The following TCF12 variants were observed in gnomAD, a reference collection of about 807,000 sequenced individuals.
TCF12 encodes DNA-binding protein HTF4.
A neutral mutation model predicts 86.0 loss-of-function variants in TCF12; 45 were observed. The ratio of observed to expected loss-of-function variants is 0.52; its 90% CI spans 0.41 to 0.67. The LOEUF (loss-of-function observed/expected upper bound fraction) is 0.67. TCF12 is among the 30% of genes least tolerant of loss of function. The pLI is 0.00. For missense variants in TCF12, 881 were observed against 859.9 expected, an observed-to-expected ratio of 1.02 and a Z score of -0.31; for synonymous variants, 330 against 299.6, an observed-to-expected ratio of 1.10 and a Z score of -1.05.
At chr15:56,986,068 A>C (rs2063165240) in intron 3 of TCF12, among the ~76,000 whole-genome samples, 1 of 152,132 alleles carries the variant, frequency 6.6e-6, no homozygotes, top group African/African-American at 2.4e-5. Context: ...TTGAAATAAG[A>C]AATTTTTTGT....
chr15:56,995,341 A>T (rs1219622571), intron 3 of TCF12, among the ~76,000 whole-genome samples: 1 of 148,036 alleles, frequency 6.8e-6, no homozygotes, highest in African/African-American at 2.5e-5. Flanking sequence ...TCTGTGAGAA[A>T]TGACATTGGT....
intron 3 of TCF12, among the ~76,000 whole-genome samples, chr15:56,972,788 C>G (rs963927636): frequency 6.6e-6 from 1 of 152,042 alleles, no homozygotes; most frequent in Admixed American, 6.6e-5. Flanking sequence ...TCAAAATAGA[C>G]TAAAGCAGAG....
intron 9 of TCF12, 115 bp from the exon 10 acceptor site, chr15:57,232,176 G>A (rs2059166065): frequency 8.8e-7 from 1 of 1,130,590 alleles, no homozygotes; most frequent in Admixed American, 1.9e-5. Flanking sequence ...AGAAGACTAG[G>A]TTGGAAAAGG....
At chr15:56,924,432 T>G (rs1055740814) in intron 3 of TCF12, among the ~76,000 whole-genome samples, 1 of 152,156 alleles carries the variant, frequency 6.6e-6, no homozygotes. Flanking sequence ...CTTGAACATA[T>G]CAAGAACAAA....
At chr15:57,051,395 C>CGAAA (rs1243112277) in intron 3 of TCF12, among the ~76,000 whole-genome samples, 1 of 152,172 alleles carries the variant, frequency 6.6e-6, no homozygotes, top group Non-Finnish European at 1.5e-5. Context: ...TCAGCTGTGG[C>CGAAA]TTTCTGCTCC....
At chr15:57,271,023 C>A (rs1305086115) in intron 18 of TCF12, among the ~76,000 whole-genome samples, 4 of 152,174 alleles carry the variant, frequency 2.6e-5, no homozygotes, top group Admixed American at 2.6e-4. Flanking sequence ...ACACGGGGGT[C>A]AGGGACCCAC....
At chr15:57,156,589 C>G (rs1260432255) in intron 5 of TCF12, among the ~76,000 whole-genome samples, 5 of 152,286 alleles carry the variant, frequency 3.3e-5, no homozygotes, top group African/African-American at 1.2e-4. Flanking sequence ...TATTTTAGAG[C>G]ACAGTTCTCT....
chr15:56,964,504 A>G (rs1244233879), intron 3 of TCF12, among the ~76,000 whole-genome samples: 1 of 152,054 alleles, frequency 6.6e-6, no homozygotes, highest in African/African-American at 2.4e-5. Flanking sequence ...CTCAAGATGT[A>G]TCTCCTGCCT....
intron 5 of TCF12, among the ~76,000 whole-genome samples, chr15:57,129,028 G>A (rs901272280): frequency 6.6e-6 from 1 of 152,140 alleles, no homozygotes; most frequent in Admixed American, 6.5e-5. Flanking sequence ...CGTATTTTCA[G>A]TTCTCTTGGG....
intron 3 of TCF12, among the ~76,000 whole-genome samples, chr15:57,038,188 T>C (rs2066638883): frequency 6.6e-6 from 1 of 151,964 alleles, no homozygotes; most frequent in African/African-American, 2.4e-5. Context: ...GCCTAGCACA[T>C]TGGGAGGCTG....
chr15:57,164,961 G>A (rs1214495829), intron 5 of TCF12, among the ~76,000 whole-genome samples: 2 of 152,184 alleles, frequency 1.3e-5, no homozygotes. Flanking sequence ...GATTGCAGGC[G>A]TGAGCCACTG....
At chr15:57,016,060 C>CT (rs1400551538) in intron 3 of TCF12, among the ~76,000 whole-genome samples, 2 of 152,042 alleles carry the variant, frequency 1.3e-5, no homozygotes, top group African/African-American at 2.4e-5. Flanking sequence ...GGGGAATTTC[C>CT]TGGAGGGGCT....
At position 57,262,203 on chromosome 15, in the gene TCF12, A is replaced by T. The variant is rs1173927601; in HGVS notation, c.1577A>T (p.Tyr526Phe). The T allele has an allele frequency of 2.5e-6, 4 of 1,601,120 alleles. No homozygotes were observed. The African/African-American group carries it at 5.4e-5, about 21-fold the overall frequency. The change falls in exon 17 of 21, where the codon TAT (tyrosine) becomes TTT (phenylalanine). Residue 526 changes from tyrosine (Y) to phenylalanine (F), a missense_variant. Physicochemically the swap from Tyr to Phe is conservative, Grantham distance 22. Transcript: ENST00000333725. ...CTGAACCATAAAACACAAGAAAATT[A>T]TAGAGGTAACTATATTGTTGGTTTT... ...TDLNHKTQEN[Y>F]RGGLQSQSGT...
At chr15:57,063,064 G>A (rs1007906985) in intron 3 of TCF12, among the ~76,000 whole-genome samples, 1 of 152,186 alleles carries the variant, frequency 6.6e-6, no homozygotes, top group Non-Finnish European at 1.5e-5. Context: ...AAATTGTTTT[G>A]TTGGTTATGG....
At chr15:57,218,929 C>A in intron 8 of TCF12, 3 of 628,640 alleles carry the variant, frequency 4.8e-6, no homozygotes, top group Non-Finnish European at 6.1e-6. Context: ...CTGCTTTCTC[C>A]AGGAAGTGAT....
intron 5 of TCF12, among the ~76,000 whole-genome samples, chr15:57,104,089 G>A (rs1387795599): frequency 6.6e-6 from 1 of 152,144 alleles, no homozygotes; most frequent in Non-Finnish European, 1.5e-5. Context: ...GAAAGGCAGA[G>A]TAATGTATTA....
chr15:56,971,659 G>C (rs1299646275), intron 3 of TCF12, among the ~76,000 whole-genome samples: 3 of 152,152 alleles, frequency 2.0e-5, no homozygotes, highest in African/African-American at 7.2e-5. Flanking sequence ...GAAAGTGTAA[G>C]ATTTCACCAT....
At chr15:57,282,063 C>G (rs1379256067) in intron 19 of TCF12, 4 of 265,798 alleles carry the variant, frequency 1.5e-5, no homozygotes, top group East Asian at 1.3e-4. Flanking sequence ...GCACAGGTGT[C>G]TCTCTCTAAG....
At chr15:57,224,175 G>T (rs2058758389) in intron 8 of TCF12, among the ~76,000 whole-genome samples, 1 of 151,996 alleles carries the variant, frequency 6.6e-6, no homozygotes, top group East Asian at 1.9e-4. Flanking sequence ...AGAGAAATTT[G>T]TGTTCCTTTC....
Sources: allele counts gnomAD v4.1 joint callset (sites outside exome capture counted in the v4.1 genomes callset), GRCh38; gene constraint gnomAD v4.1.1; transcripts MANE v1.5; gene names NCBI Gene and HGNC (gene_info 2026-07-23, HGNC 2026-07-21).